MINPP1: variants seen among roughly 807,000 people sequenced by gnomAD.
MINPP1 encodes the protein multiple inositol-polyphosphate phosphatase 1.
In MINPP1, 28 loss-of-function variants were observed where a neutral mutation model predicts 46.1. The observed-to-expected ratio is 0.61, with a 90% CI of 0.45 to 0.83. The LOEUF (loss-of-function observed/expected upper bound fraction) is 0.83, where lower values mean the gene tolerates loss of function less well. Among genes scored for constraint, MINPP1 ranks in the 40% least tolerant of loss-of-function variants. The probability of loss-of-function intolerance (pLI) is 0.00; values close to 1 mark genes in which losing one functional copy is unlikely to be tolerated. For missense variants in MINPP1, 603 were observed against 610.0 expected, an observed-to-expected ratio of 0.99 and a Z score of 0.12; for synonymous variants, 268 against 249.1, an observed-to-expected ratio of 1.08 and a Z score of -0.72.
chr10:87,514,245 G>T (rs1851378729), intron 3 of MINPP1, among the ~76,000 whole-genome samples: 1 of 152,138 alleles, frequency 6.6e-6, no homozygotes, highest in Non-Finnish European at 1.5e-5. Flanking sequence ...CCATCAGGAT[G>T]CTTCACCCTT....
chr10:87,528,979 CTT>C (rs1326435011), intron 4 of MINPP1, among the ~76,000 whole-genome samples: 2 of 152,150 alleles, frequency 1.3e-5, no homozygotes, highest in Admixed American at 1.3e-4. Flanking sequence ...TTCTTTGTCT[CTT>C]TTGATCTTTG....
At chr10:87,533,039 A>C (rs1017216055) in intron 4 of MINPP1, among the ~76,000 whole-genome samples, 6 of 150,380 alleles carry the variant, frequency 4.0e-5, no homozygotes, top group African/African-American at 1.5e-4. Flanking sequence ...ATTAGAGTTT[A>C]TAAGTGAGTA....
intron 4 of MINPP1, among the ~76,000 whole-genome samples, chr10:87,527,742 C>A (rs187188528): frequency 2.0e-5 from 3 of 152,212 alleles, no homozygotes; most frequent in Admixed American, 1.3e-4. Flanking sequence ...AGGGAGGATT[C>A]CCTCTTTTTC....
chr10:87,539,359 G>A (rs942829044), intron 4 of MINPP1, among the ~76,000 whole-genome samples: 4 of 152,170 alleles, frequency 2.6e-5, no homozygotes, highest in Non-Finnish European at 4.4e-5. Flanking sequence ...AGAGTTAAAG[G>A]TGTAATTCCT....
rs1156698541 is a variant in MINPP1 at position 87,505,374 on chromosome 10, T to C, written c.459T>C (p.Asp153=). 2 of 1,613,984 alleles carry C rather than the reference T, an allele frequency of 1.2e-6. No individual in the cohort carries two copies. The highest frequency in any genetic ancestry group is 1.7e-6 in the Non-Finnish European group (2 of 1,179,938). The change falls in exon 1 of 5, where the codon GAT becomes GAC. Residue 153 remains aspartate (D), a synonymous_variant. Transcript: ENST00000371996. This position sits in a 1 kb window ranked among gnomAD's most constrained non-coding sequence, Gnocchi z 4.4. ...AGCTAGTAGAGAAGGGACGGCAGGATATGCGACAGCTGGCGCTGCGTCTGG... is the reference window on the plus strand; with the variant it reads ...AGCTAGTAGAGAAGGGACGGCAGGACATGCGACAGCTGGCGCTGCGTCTGG... The part of the protein sequence containing the change: ...DGQLVEKGRQ[D]MRQLALRLAS...
At chr10:87,527,678 T>G (rs565707437) in intron 4 of MINPP1, among the ~76,000 whole-genome samples, 6 of 152,264 alleles carry the variant, frequency 3.9e-5, no homozygotes, top group African/African-American at 1.4e-4. Context: ...ATTCTTTTTT[T>G]TTGTTGTGTC....
At chr10:87,535,752 T>TG (rs1242376136) in intron 4 of MINPP1, among the ~76,000 whole-genome samples, 2 of 151,500 alleles carry the variant, frequency 1.3e-5, no homozygotes, top group Non-Finnish European at 2.9e-5. Flanking sequence ...ACAGGGGTAA[T>TG]CCCTACCTCT....
chr10:87,535,032 T>A (rs1851713768), intron 4 of MINPP1, among the ~76,000 whole-genome samples: 1 of 152,236 alleles, frequency 6.6e-6, no homozygotes, highest in African/African-American at 2.4e-5. Context: ...CTCAGTCTAG[T>A]AAGGAAGATG....
chr10:87,533,117 C>A (rs1851682807), intron 4 of MINPP1, among the ~76,000 whole-genome samples: 1 of 151,582 alleles, frequency 6.6e-6, no homozygotes, highest in African/African-American at 2.4e-5. Flanking sequence ...TTTTTGCTTT[C>A]TCCATCCCAC....
At chr10:87,528,339 G>T (rs1851608185) in intron 4 of MINPP1, among the ~76,000 whole-genome samples, 1 of 152,058 alleles carries the variant, frequency 6.6e-6, no homozygotes, top group African/African-American at 2.4e-5. Flanking sequence ...TTCTCTTGTG[G>T]GCATTTAGTG....
chr10:87,505,017 G>A lies in MINPP1; in HGVS notation c.102G>A (p.Glu34=), dbSNP rs756450863. The A allele has an allele frequency of 1.9e-6, 3 of 1,612,988 alleles. No individual in the cohort carries two copies. The highest frequency in any genetic ancestry group is 2.5e-6 in the Non-Finnish European group (3 of 1,179,896). The change falls in exon 1 of 5, where the codon GAG becomes GAA. Residue 34 remains glutamate (E), a synonymous_variant. Transcript: ENST00000371996. This position sits in a 1 kb window ranked among gnomAD's most constrained non-coding sequence, Gnocchi z 4.4. ...LSSLARCSLL[E]PRDPVASSLS... is the part of the protein sequence containing the mutation. ...CGCTTGCGCGCTGCTCTCTTCTAGA[G>A]CCGAGGGACCCGGTGGCCTCGTCGC...
intron 4 of MINPP1, among the ~76,000 whole-genome samples, chr10:87,540,601 T>C (rs140207535): frequency 1.4e-4 from 21 of 152,186 alleles, no homozygotes; most frequent in South Asian, 8.3e-4. Context: ...GGCTTGTTCA[T>C]AGACCAGCTT....
chr10:87,520,206 G>C (rs144797955), intron 3 of MINPP1, among the ~76,000 whole-genome samples: 13 of 152,182 alleles, frequency 8.5e-5, no homozygotes, highest in Middle Eastern at 3.4e-3. Flanking sequence ...TAACTGCAAA[G>C]TATTCTGAAG....
At chr10:87,517,961 C>CT (rs765109040) in intron 3 of MINPP1, among the ~76,000 whole-genome samples, 17,074 of 137,116 alleles carry the variant, frequency 0.12, 1,275 homozygotes, top group Non-Finnish European at 0.17. Flanking sequence ...TGCACCTGGC[C>CT]TTTTTTTTTT....
At chr10:87,528,370 C>T (rs1477662758) in intron 4 of MINPP1, among the ~76,000 whole-genome samples, 3 of 151,650 alleles carry the variant, frequency 2.0e-5, no homozygotes, top group Non-Finnish European at 4.4e-5. Context: ...CCCTGTACAC[C>T]CTGCTTTAAA....
At chr10:87,513,926 AC>A (rs1221172316) in intron 3 of MINPP1, among the ~76,000 whole-genome samples, 1 of 152,122 alleles carries the variant, frequency 6.6e-6, no homozygotes, top group Non-Finnish European at 1.5e-5. Context: ...GAACATCTGT[AC>A]CCTGCTTTTT....
At chr10:87,513,379 G>T (rs1851364369) in intron 3 of MINPP1, among the ~76,000 whole-genome samples, 158 bp downstream of exon 3, 4 of 152,146 alleles carry the variant, frequency 2.6e-5, no homozygotes, top group African/African-American at 9.7e-5. Context: ...AATAAAGAGA[G>T]ATTAAAGGTT....
At position 87,521,107 on chromosome 10, in the gene MINPP1, C is replaced by T. The variant is rs1325777632; in HGVS notation, c.1005C>T (p.Ser335=). The change falls in exon 4 of 5, where the codon TCC becomes TCT. Residue 335 remains serine (S), a synonymous_variant. Transcript: ENST00000371996. The part of the protein sequence containing the change: ...RGYGYTINSR[S]SCTLFQDIFQ... ...ATGGGTATACTATTAACAGTCGATC[C>T]AGCTGCACCTTGTTTCAGGATATCT... 6.2e-7 allele frequency: 1 copy of T among 1,600,206 alleles called. No homozygotes were observed.
rs1851235393 is a variant in MINPP1, at chr10:87,505,626, C to T, written c.637+74C>T. 3 of 1,429,340 alleles carry T rather than the reference C, an allele frequency of 2.1e-6. No homozygotes were observed. Among genetic ancestry groups the T allele is most frequent in the Non-Finnish European group, 1.9e-6 (2 of 1,056,698 alleles). 88.5% of individuals were successfully genotyped at this position (1,429,340 alleles called of 1,614,324 possible). A position where few individuals can be genotyped will look rare whatever the true frequency, so the allele number is the denominator to read the frequency against. ...TGGATGCTCTCCCGCCTCCCCCAGA[C>T]CCTGGGCTTTTCCGATGCCCCCCAG... On this transcript the variant is annotated intron_variant, in intron 1 of 4. Transcript: ENST00000371996. This position sits in a 1 kb window ranked among gnomAD's most constrained non-coding sequence, Gnocchi z 4.4.
Sources: gnomAD v4.1 joint callset for allele counts (sites outside exome capture counted in the v4.1 genomes callset) on GRCh38, gnomAD v4.1.1 for gene constraint, Gnocchi (gnomAD v3.1) non-coding constraint, MANE v1.5 for transcripts, NCBI Gene and HGNC (gene_info 2026-07-23, HGNC 2026-07-21) for gene names.